CNTNAP2: variants seen among roughly 807,000 people sequenced by gnomAD.
CNTNAP2 encodes the protein contactin associated protein 2.
CNTNAP2 carries 98 observed loss-of-function variants against 155.2 expected under a neutral mutation model. The observed-to-expected ratio is 0.63, with a 90% CI of 0.54 to 0.75. The LOEUF is 0.75. Ranked by LOEUF, CNTNAP2 falls within the 30% of genes least tolerant of loss-of-function variation. The pLI, the probability that CNTNAP2 is intolerant of heterozygous loss-of-function variation, is 0.00. For missense variants in CNTNAP2, 1,727 were observed against 1,688.1 expected (o/e 1.02, Z -0.40); for synonymous variants, 651 against 631.2 (o/e 1.03, Z -0.47).
intron 23 of CNTNAP2, among the ~76,000 whole-genome samples, chr7:148,413,402 ATATAT>A (rs1416826075): frequency 0.27 from 10,742 of 39,226 alleles, 3,356 homozygotes; most frequent in Middle Eastern, 0.4. Flanking sequence ...CAAAAAAAAA[ATATAT>A]ATATATATAT....
intron 13 of CNTNAP2, among the ~76,000 whole-genome samples, chr7:147,699,416 C>T (rs1333766230): frequency 6.6e-6 from 1 of 151,506 alleles, no homozygotes; most frequent in Non-Finnish European, 1.5e-5. Flanking sequence ...CACATGGACA[C>T]AGGGAAGGGA....
chr7:147,134,370 T>C (rs531357952), intron 8 of CNTNAP2, among the ~76,000 whole-genome samples: 1 of 152,072 alleles, frequency 6.6e-6, no homozygotes, highest in South Asian at 2.1e-4. Flanking sequence ...CTAATAAAAA[T>C]GGACTGAAGA....
chr7:146,588,220 G>A (rs545722044), intron 1 of CNTNAP2, among the ~76,000 whole-genome samples: 1 of 152,188 alleles, frequency 6.6e-6, no homozygotes, highest in Admixed American at 6.5e-5. Flanking sequence ...ATGAGGTTAA[G>A]TATTCTGAAT....
At chr7:146,677,265 C>G (rs1332250379) in intron 1 of CNTNAP2, among the ~76,000 whole-genome samples, 2 of 152,058 alleles carry the variant, frequency 1.3e-5, no homozygotes, top group Non-Finnish European at 2.9e-5. Context: ...TTCTGATTGG[C>G]AATTGGTTAT....
intron 2 of CNTNAP2, among the ~76,000 whole-genome samples, chr7:146,794,697 G>C (rs950041431): frequency 6.6e-6 from 1 of 152,062 alleles, no homozygotes. Context: ...TTCATAATGA[G>C]GTACTAACTA....
intron 13 of CNTNAP2, among the ~76,000 whole-genome samples, chr7:147,763,219 A>G (rs1797333872): frequency 6.6e-6 from 1 of 150,708 alleles, no homozygotes; most frequent in African/African-American, 2.4e-5. Flanking sequence ...AGATCATGCC[A>G]TTGCACTCCA....
intron 21 of CNTNAP2, among the ~76,000 whole-genome samples, chr7:148,312,957 G>A (rs1797620716): frequency 6.6e-6 from 1 of 151,914 alleles, no homozygotes; most frequent in South Asian, 2.1e-4. Context: ...GGAAAAGGTG[G>A]CAATGAGGTG....
chr7:146,872,395 C>T (rs530063922), intron 3 of CNTNAP2, among the ~76,000 whole-genome samples: 1 of 152,142 alleles, frequency 6.6e-6, no homozygotes, highest in Admixed American at 6.5e-5. Flanking sequence ...TAACGTAAAC[C>T]AATGCTGCAC....
At chr7:147,270,058 T>A (rs1804707093) in intron 8 of CNTNAP2, among the ~76,000 whole-genome samples, 1 of 151,804 alleles carries the variant, frequency 6.6e-6, no homozygotes. Context: ...TGATACCTTA[T>A]CACTTAAAAA....
chr7:147,096,783 A>T (rs1239954560), intron 4 of CNTNAP2, among the ~76,000 whole-genome samples: 1 of 152,210 alleles, frequency 6.6e-6, no homozygotes. Context: ...TGCAGGTGTC[A>T]TGAAGTAATG....
chr7:148,065,663 T>G (rs1362160999), intron 15 of CNTNAP2, among the ~76,000 whole-genome samples: 1 of 152,194 alleles, frequency 6.6e-6, no homozygotes, highest in African/African-American at 2.4e-5. Context: ...TCCTTTACCT[T>G]ACATTTATGT....
chr7:146,411,157 A>AT (rs35201362), intron 1 of CNTNAP2, among the ~76,000 whole-genome samples: 27,428 of 139,176 alleles, frequency 0.2, 2,796 homozygotes, highest in Middle Eastern at 0.25. Context: ...AATAGAGTAG[A>AT]TTTTTTTTTT....
intron 21 of CNTNAP2, among the ~76,000 whole-genome samples, chr7:148,330,442 CGGGTGGAGCAGAG>C (rs1211027409): frequency 8.5e-6 from 1 of 118,340 alleles, no homozygotes; most frequent in Non-Finnish European, 1.7e-5. Flanking sequence ...ATGGAGCAGA[CGGGTGGAGCAGAG>C]GGATGGAGTG....
At chr7:146,139,625 A>G (rs1685328887) in intron 1 of CNTNAP2, among the ~76,000 whole-genome samples, 1 of 152,090 alleles carries the variant, frequency 6.6e-6, no homozygotes, top group Non-Finnish European at 1.5e-5. Context: ...CTGTTGAGTT[A>G]TCATTCTTTT....
intron 17 of CNTNAP2, among the ~76,000 whole-genome samples, chr7:148,152,549 G>A (rs923467695): frequency 2.0e-5 from 3 of 152,038 alleles, no homozygotes; most frequent in Admixed American, 6.5e-5. Context: ...TGTGACCTCC[G>A]GCCACATGAC....
At chr7:147,653,675 T>C (rs1321353852) in intron 13 of CNTNAP2, among the ~76,000 whole-genome samples, 3 of 152,120 alleles carry the variant, frequency 2.0e-5, no homozygotes, top group African/African-American at 4.8e-5. Context: ...AGGGAGGTCC[T>C]GCGCAGGAAG....
intron 12 of CNTNAP2, among the ~76,000 whole-genome samples, chr7:147,607,037 T>G (rs1385356653): frequency 1.3e-5 from 2 of 152,162 alleles, no homozygotes; most frequent in African/African-American, 4.8e-5. Context: ...TGTGCTATCT[T>G]CAAGGTTTTC....
intron 18 of CNTNAP2, among the ~76,000 whole-genome samples, chr7:148,206,749 T>C (rs1325039121): frequency 6.6e-6 from 1 of 152,204 alleles, no homozygotes; most frequent in African/African-American, 2.4e-5. Context: ...ATAGCCTAGG[T>C]TGGGAAGCCT....
chr7:147,286,042 C>G (rs1037490806), intron 8 of CNTNAP2, among the ~76,000 whole-genome samples: 2 of 151,974 alleles, frequency 1.3e-5, no homozygotes, highest in Non-Finnish European at 2.9e-5. Flanking sequence ...TTAGACCATA[C>G]AGTTGGGCAA....
Sources: gnomAD v4.1 joint callset for allele counts (sites outside exome capture counted in the v4.1 genomes callset) on GRCh38, gnomAD v4.1.1 for gene constraint, MANE v1.5 for transcripts, NCBI Gene and HGNC (gene_info 2026-07-23, HGNC 2026-07-21) for gene names.